The following ZNF217 variants were observed in gnomAD, a reference collection of about 807,000 sequenced individuals.
ZNF217 encodes the protein zinc finger protein 217.
In ZNF217, 12 loss-of-function variants were observed where a neutral mutation model predicts 73.3. The observed-to-expected ratio is 0.16, with a 90% CI of 0.10 to 0.27. The LOEUF (loss-of-function observed/expected upper bound fraction) is 0.27, where lower values mean the gene tolerates loss of function less well. Ranked by LOEUF, ZNF217 falls within the 10% of genes least tolerant of loss-of-function variation. ZNF217 has a pLI of 1.00. For missense variants in ZNF217, 1,195 were observed against 1,327.8 expected, an observed-to-expected ratio of 0.90 and a Z score of 1.55; for synonymous variants, 588 against 516.4, an observed-to-expected ratio of 1.14 and a Z score of -1.88.
At chr20:53,580,128 T>G (rs182578952) in intron 2 of ZNF217, among the ~76,000 whole-genome samples, 1 of 152,252 alleles carries the variant, frequency 6.6e-6, no homozygotes, top group African/African-American at 2.4e-5. Flanking sequence ...TGCTAAGTGC[T>G]GGGTTTCCTG....
intron 1 of ZNF217, among the ~76,000 whole-genome samples, chr20:53,589,218 T>C (rs1988799479): frequency 6.6e-6 from 1 of 152,192 alleles, no homozygotes; most frequent in Non-Finnish European, 1.5e-5. Context: ...AGTACAGTCA[T>C]GTGGAGGTCA....
intron 3 of ZNF217, 118 bp downstream of exon 3, chr20:53,578,216 C>T: frequency 1.6e-6 from 1 of 634,044 alleles, no homozygotes; most frequent in Non-Finnish European, 2.8e-6. Flanking sequence ...CAACATGCTA[C>T]ATATTTATCC....
At chr20:53,575,574 C>T in intron 4 of ZNF217, 153 bp downstream of exon 4, 3 of 668,516 alleles carry the variant, frequency 4.5e-6, no homozygotes, top group Non-Finnish European at 7.4e-6. Context: ...CAAACCACTG[C>T]CGTATCTAAG....
rs908521079 is a variant in ZNF217, at chr20:53,581,379, T to C, written c.1366+82A>G. 4.0e-6 allele frequency: 6 copies of C among 1,507,246 alleles called. No individual in the cohort carries two copies. Among genetic ancestry groups the C allele is most frequent in the Non-Finnish European group, 5.3e-6 (6 of 1,132,868 alleles). The allele number at this position is 1,507,246 out of a possible 1,614,324, so 93.4% of individuals were successfully genotyped here. On this transcript the variant is annotated intron_variant, in intron 2 of 5. Transcript: ENST00000371471. The surrounding 1 kb of genome is among the most constrained non-coding windows in gnomAD (Gnocchi z 4.9). ...AACCCCATTCCTGGCCAGCGTTGTC[T>C]GGAGATGGGAATAGAGAGGGGGAGA...
upstream of ZNF217, among the ~76,000 whole-genome samples, chr20:53,595,253 A>T (rs1989022048): frequency 6.6e-6 from 1 of 152,158 alleles, no homozygotes; most frequent in Non-Finnish European, 1.5e-5. Context: ...TCTACCCCAA[A>T]ATGCAAACTA....
chr20:53,574,083 AT>A (rs368913774), intron 4 of ZNF217, among the ~76,000 whole-genome samples: 2,286 of 152,012 alleles, frequency 0.015, 66 homozygotes, highest in African/African-American at 0.053. Context: ...AAAAAAAAAA[AT>A]CATCTCTTCG....
upstream of ZNF217, among the ~76,000 whole-genome samples, chr20:53,595,065 A>AG (rs1555811202): frequency 6.7e-6 from 1 of 149,160 alleles, no homozygotes; most frequent in Admixed American, 6.7e-5. Context: ...AAAAAAAAAA[A>AG]CCGCTACCCT....
chr20:53,593,835 T>C lies in ZNF217; in HGVS notation c.-422A>G, dbSNP rs1435202763. The C allele has an allele frequency of 7.8e-6, 1 of 128,186 alleles. No homozygotes were observed. The highest frequency in any genetic ancestry group is 1.6e-5 in the Non-Finnish European group (1 of 61,524). The allele number at this position is 128,186 out of a possible 1,614,324, so 7.9% of individuals were successfully genotyped here. A position where few individuals can be genotyped will look rare whatever the true frequency, so the allele number is the denominator to read the frequency against. ...TGACACCACTCGGGCCGGCCGGGTTTGAATGAGGAGGAGCGGGCGCGGAGG... is the reference window on the plus strand; with the variant it reads ...TGACACCACTCGGGCCGGCCGGGTTCGAATGAGGAGGAGCGGGCGCGGAGG... On this transcript the variant is annotated 5_prime_UTR_variant, in exon 1 of 6. Transcript: ENST00000371471.
In ZNF217 at chr20:53,576,714, C is replaced by T. The variant is rs752905561; in HGVS notation, c.2050G>A (p.Glu684Lys). ...CRYRPSVDCHEKPLNLSVGAL... is the reference protein window; with the variant it reads ...CRYRPSVDCHKKPLNLSVGAL... ...CCCACGGATAAATTTAAAGGTTTTT[C>T]GTGACAATCCACACTTGGCCTGTAT... Residue 684 changes from glutamate to lysine, a missense_variant, in exon 4 of 6, where the codon GAA (glutamate) becomes AAA (lysine). This residue lies in a region of ZNF217 where 649 missense variants were observed against 642.8 expected (regional missense o/e 1.01). Transcript: ENST00000371471. The T allele has an allele frequency of 1.2e-6, 2 of 1,614,204 alleles. No individual in the cohort carries two copies. Among genetic ancestry groups the T allele is most frequent in the South Asian group, 2.2e-5 (2 of 91,088 alleles).
At chr20:53,590,792 G>C (rs1988852486) in intron 1 of ZNF217, among the ~76,000 whole-genome samples, 1 of 152,096 alleles carries the variant, frequency 6.6e-6, no homozygotes, top group Non-Finnish European at 1.5e-5. Flanking sequence ...GCAATGAGGA[G>C]ATAGAAGGAC....
chr20:53,584,420 G>A (rs1242755045), intron 1 of ZNF217, among the ~76,000 whole-genome samples: 4 of 152,176 alleles, frequency 2.6e-5, no homozygotes, highest in African/African-American at 9.7e-5. Flanking sequence ...CATACTCCTT[G>A]TTATCTTTAG....
chr20:53,569,832 A>C (rs1300589159), intron 5 of ZNF217, among the ~76,000 whole-genome samples: 1 of 152,186 alleles, frequency 6.6e-6, no homozygotes, highest in East Asian at 1.9e-4. Context: ...GTTGCCATGC[A>C]CAAGAAAATC....
At chr20:53,594,366 G>GCCCGGCCACGCCCCACACCGC (rs1383315842), upstream of ZNF217, among the ~76,000 whole-genome samples, 2 of 114,796 alleles carry the variant, frequency 1.7e-5, no homozygotes, top group Non-Finnish European at 3.6e-5. Flanking sequence ...TTCACCGGCC[G>GCCCGGCCACGCCCCACACCGC]CCCGGCCACG....
In ZNF217 at chr20:53,592,029, T is replaced by C. The variant is rs375478544; in HGVS notation, c.-343+1727A>G. Among the ~76,000 whole-genome samples the C allele has an allele frequency of 7.9e-5, 12 of 152,230 alleles. No homozygotes were observed. In the East Asian group the frequency reaches 1.7e-3, roughly 22 times the overall value. ...TGTTGCTACCTCGCCTTTTCTTTTG[T>C]TGAGCTTAATCTCATGTCAAGTCAT... On this transcript the variant is annotated intron_variant, in intron 1 of 5. Coordinates refer to ENST00000371471, the MANE Select transcript of ZNF217 (RefSeq NM_006526.3).
Position 53,576,619 on chromosome 20 carries a change from A to G in ZNF217, c.2145T>C (p.Cys715=), listed in dbSNP as rs1988283099. Residue 715 remains cysteine (C), a synonymous_variant, in exon 4 of 6, where the codon TGT becomes TGC. Coordinates refer to ENST00000371471, the MANE Select transcript of ZNF217 (RefSeq NM_006526.3). ...SLIPSITCPF[C]TFKTFYPEVL... is the part of the protein sequence containing the mutation. ...CTTCTGGATAAAATGTCTTGAAGGT[A>G]CAAAATGGACAGGTGATACTTGGAA... 6.2e-7 allele frequency: 1 copy of G among 1,614,254 alleles called. No individual in the cohort carries two copies. The highest frequency in any genetic ancestry group is 8.5e-7 in the Non-Finnish European group (1 of 1,180,044).
At chr20:53,596,831 C>T (rs1396148444), upstream of ZNF217, among the ~76,000 whole-genome samples, 1 of 151,970 alleles carries the variant, frequency 6.6e-6, no homozygotes, top group African/African-American at 2.4e-5. Context: ...AGAAGCTCTG[C>T]ACATGGTACT....
Position 53,567,807 on chromosome 20 carries a change from G to A in ZNF217, c.*1481C>T, listed in dbSNP as rs1987808689. On this transcript the variant is annotated 3_prime_UTR_variant, in exon 6 of 6. Transcript: ENST00000371471. ...ACACAGGAGCTAAGACTTCTATCAA[G>A]GAGGACATCTTACGTTGCATAATTT... 1 of 152,356 alleles carries A rather than the reference G, an allele frequency of 6.6e-6. No homozygotes were observed. The highest frequency in any genetic ancestry group is 2.1e-4 in the South Asian group (1 of 4,802). The allele number at this position is 152,356 out of a possible 1,614,324, so 9.4% of individuals were successfully genotyped here. A position where few individuals can be genotyped will look rare whatever the true frequency, so the allele number is the denominator to read the frequency against.
In ZNF217 at chr20:53,584,582, A is replaced by G. The variant is rs530754050; in HGVS notation, c.-342-1414T>C. The stretch of plus-strand genomic sequence containing the variant: ...GGGCTGGTGACCAGCTTGGTGTGAT[A>G]TAATAGAACACTCCAGAGACCCGAG... On this transcript the variant is annotated intron_variant, in intron 1 of 5. Transcript: ENST00000371471. 2.6e-5 allele frequency among the ~76,000 whole-genome samples: 4 copies of G among 152,380 alleles called. No individual in the cohort carries two copies. In the East Asian group the frequency reaches 7.7e-4, roughly 29 times the overall value.
intron 5 of ZNF217, 63 bp downstream of exon 5, chr20:53,571,658 T>C: frequency 1.9e-6 from 3 of 1,543,266 alleles, no homozygotes; most frequent in East Asian, 2.3e-5. Flanking sequence ...CCGCCCGCCC[T>C]GACCTCCCAA....
Sources: allele counts gnomAD v4.1 joint callset (sites outside exome capture counted in the v4.1 genomes callset), GRCh38; gene constraint gnomAD v4.1.1; regional missense constraint gnomAD v4.1.1; non-coding constraint Gnocchi (gnomAD v3.1); transcripts MANE v1.5; gene names NCBI Gene and HGNC (gene_info 2026-07-23, HGNC 2026-07-21).